The following TFPI variants were observed in gnomAD, a reference collection of about 807,000 sequenced individuals.
TFPI encodes the protein anti-convertin.
Under a neutral mutation model 34.6 loss-of-function variants are expected in TFPI, and 15 were observed. That is an observed-to-expected ratio of 0.43 (90% confidence interval 0.29 to 0.67). The LOEUF (loss-of-function observed/expected upper bound fraction) is 0.67. Among genes scored for constraint, TFPI ranks in the 30% least tolerant of loss-of-function variants. TFPI has a pLI of 0.15. For missense variants in TFPI, 301 were observed against 364.0 expected (o/e 0.83, Z 1.41); for synonymous variants, 105 against 120.1 (o/e 0.87, Z 0.82).
chr2:187,548,452 G>C (rs1044556637), intron 1 of TFPI, among the ~76,000 whole-genome samples: 2 of 151,950 alleles, frequency 1.3e-5, no homozygotes, highest in Admixed American at 6.6e-5. Flanking sequence ...TTCTGAGAGA[G>C]CTGGAAAAAA....
intron 1 of TFPI, among the ~76,000 whole-genome samples, chr2:187,549,220 T>G (rs1268930083): frequency 6.6e-6 from 1 of 152,122 alleles, no homozygotes; most frequent in Non-Finnish European, 1.5e-5. Flanking sequence ...TCTGTTTGCC[T>G]CAAGTGGTGT....
chr2:187,493,478 G>C (rs759654258), intron 3 of TFPI, among the ~76,000 whole-genome samples: 1 of 152,112 alleles, frequency 6.6e-6, no homozygotes, highest in African/African-American at 2.4e-5. Flanking sequence ...CATTTTCCTG[G>C]TGATTAACAT....
chr2:187,513,371 C>T (rs1351090585), intron 1 of TFPI, among the ~76,000 whole-genome samples: 2 of 152,022 alleles, frequency 1.3e-5, no homozygotes, highest in African/African-American at 4.8e-5. Flanking sequence ...AATATGTCTA[C>T]GAAGTTTTAT....
chr2:187,527,435 T>C (rs549390949), intron 1 of TFPI, among the ~76,000 whole-genome samples: 5 of 152,278 alleles, frequency 3.3e-5, no homozygotes, highest in South Asian at 2.1e-4. Flanking sequence ...AATAAATACA[T>C]TGTGGGAATG....
chr2:187,517,082 A>G (rs917743474), intron 1 of TFPI: 2 of 152,146 alleles, frequency 1.3e-5, no homozygotes, highest in Non-Finnish European at 2.9e-5. Context: ...CTGCTACACT[A>G]CAAAAGTAAA....
At position 187,532,408 on chromosome 2, in the gene TFPI, A is replaced by G. The variant is rs368785980; in HGVS notation, c.-3+21792T>C. 2.6e-5 allele frequency among the ~76,000 whole-genome samples: 4 copies of G among 152,320 alleles called. No homozygotes were observed. The South Asian group carries it at 8.3e-4, about 32-fold the overall frequency. On this transcript the variant is annotated intron_variant, in intron 1 of 7. Transcript: ENST00000233156. The stretch of plus-strand genomic sequence containing the variant: ...CTCATCTCATTGGGACTGGTTAGAC[A>G]TTGGGTGTAGCCCATGGAGGGCAAG...
intron 5 of TFPI, 114 bp downstream of exon 5, chr2:187,484,697 A>G (rs971427254): frequency 2.2e-6 from 2 of 910,232 alleles, no homozygotes; most frequent in Admixed American, 3.5e-5. Flanking sequence ...GCACACAAAT[A>G]TATCTTCATT....
At chr2:187,532,930 G>A (rs535541168) in intron 1 of TFPI, among the ~76,000 whole-genome samples, 2 of 152,248 alleles carry the variant, frequency 1.3e-5, no homozygotes, top group South Asian at 2.1e-4. Context: ...TTGAGTAGCC[G>A]GTTTTCCCCT....
chr2:187,509,850 T>C (rs937651927), intron 1 of TFPI, among the ~76,000 whole-genome samples: 1 of 152,242 alleles, frequency 6.6e-6, no homozygotes, highest in Non-Finnish European at 1.5e-5. Context: ...CTTTAAAAGT[T>C]TGGCTTGTTT....
At chr2:187,521,041 C>A (rs1190305726) in intron 1 of TFPI, among the ~76,000 whole-genome samples, 1 of 151,988 alleles carries the variant, frequency 6.6e-6, no homozygotes, top group Non-Finnish European at 1.5e-5. Flanking sequence ...CCAAGAAGCC[C>A]TGATTCCTTC....
At chr2:187,504,093 A>G (rs527572390) in intron 1 of TFPI, among the ~76,000 whole-genome samples, 5 of 152,124 alleles carry the variant, frequency 3.3e-5, no homozygotes, top group Non-Finnish European at 7.4e-5. Context: ...GTATGTATTA[A>G]AGTCCATTTC....
Position 187,518,962 on chromosome 2 carries a change from G to A in TFPI, c.-2-15192C>T, listed in dbSNP as rs188884780. 7 of 152,112 alleles carry A rather than the reference G, an allele frequency of 4.6e-5. 1 individual carries two copies. Among genetic ancestry groups the A allele is most frequent in the African/African-American group, 1.4e-4 (6 of 41,494 alleles). The allele number at this position is 152,112 out of a possible 1,614,324, so 9.4% of individuals were successfully genotyped here. Reference sequence around the variant, plus strand: ...CTATTGATACTTGTGTATGCTTCACGAAGTTCTCATGCTGTGTTTTTTAGC... The same window carrying A: ...CTATTGATACTTGTGTATGCTTCACAAAGTTCTCATGCTGTGTTTTTTAGC... On this transcript the variant is annotated intron_variant, in intron 1 of 7. Transcript: ENST00000233156.
chr2:187,523,885 C>T (rs890070084), intron 1 of TFPI, among the ~76,000 whole-genome samples: 6 of 152,048 alleles, frequency 3.9e-5, no homozygotes, highest in African/African-American at 1.5e-4. Context: ...ATTCTCCACC[C>T]TTTAGGCTTC....
intron 6 of TFPI, chr2:187,478,819 T>C (rs1267114677): frequency 3.1e-6 from 5 of 1,599,948 alleles, no homozygotes; most frequent in Non-Finnish European, 4.3e-6. Context: ...GATCACAAAA[T>C]TGATAAATAA....
rs35837997 is a variant in TFPI, at chr2:187,479,546, CATATATATATATATATAT to C, written c.628+4560_628+4577del. The stretch of plus-strand genomic sequence containing the variant: ...GCTTATTTTGGGGGGATATCACGTT[CATATATATATATATATAT>C]ATATATATATATATATATATATATA... On this transcript the variant is annotated intron_variant, in intron 6 of 7. Coordinates refer to ENST00000233156, the MANE Select transcript of TFPI (RefSeq NM_006287.6). 8.7e-3 allele frequency among the ~76,000 whole-genome samples: 550 copies of C among 63,318 alleles called. 5 individuals carry two copies. Among genetic ancestry groups the C allele is most frequent in the African/African-American group, 0.025 (427 of 17,344 alleles). 41.5% of individuals were successfully genotyped at this position (63,318 alleles called of 152,430 possible).
chr2:187,552,602 C>T (rs1376327258), intron 1 of TFPI, among the ~76,000 whole-genome samples: 1 of 151,894 alleles, frequency 6.6e-6, no homozygotes, highest in Non-Finnish European at 1.5e-5. Flanking sequence ...CATCAAACAC[C>T]AGTTGATAAC....
In TFPI at chr2:187,496,862, A is replaced by G; in HGVS notation, c.319+19T>C. On this transcript the variant is annotated intron_variant, in intron 3 of 7. Transcript: ENST00000233156. ...TAGCCCTAAAGGGTCTTGAGTAATA[A>G]GGGTTCCCAGAAACCTACCTCTTGT... The G allele has an allele frequency of 3.1e-6, 5 of 1,611,034 alleles. No homozygotes were observed. The highest frequency in any genetic ancestry group is 4.2e-6 in the Non-Finnish European group (5 of 1,178,352).
chr2:187,485,054 AT>A, intron 4 of TFPI, 67 bp from the exon 5 acceptor site: 1 of 1,193,738 alleles, frequency 8.4e-7, no homozygotes, highest in Non-Finnish European at 1.1e-6. Context: ...TTTTAATAAA[AT>A]TTATAAATAC....
At chr2:187,498,950 T>C (rs1685667898) in intron 2 of TFPI, among the ~76,000 whole-genome samples, 1 of 151,996 alleles carries the variant, frequency 6.6e-6, no homozygotes, top group Non-Finnish European at 1.5e-5. Context: ...TCTGGAGTTA[T>C]ATTCAATTGA....
Sources: gnomAD v4.1 joint callset for allele counts (sites outside exome capture counted in the v4.1 genomes callset) on GRCh38, gnomAD v4.1.1 for gene constraint, MANE v1.5 for transcripts, NCBI Gene and HGNC (gene_info 2026-07-23, HGNC 2026-07-21) for gene names.